RGL1: variants seen among roughly 807,000 people sequenced by gnomAD.
RGL1 encodes ral guanine nucleotide dissociation stimulator like 1, also known as ral guanine nucleotide dissociation stimulator-like 1.
In RGL1, 24 loss-of-function variants were observed where a neutral mutation model predicts 95.2. The ratio of observed to expected loss-of-function variants is 0.25; its 90% confidence interval spans 0.18 to 0.35. The LOEUF is 0.35. Among genes scored for constraint, RGL1 ranks in the 10% least tolerant of loss-of-function variants. The probability of loss-of-function intolerance (pLI) is 1.00; values close to 1 mark genes in which losing one functional copy is unlikely to be tolerated. For missense variants in RGL1, 715 were observed against 936.3 expected (o/e 0.76, Z 3.08); for synonymous variants, 329 against 344.9 (o/e 0.95, Z 0.51).
At chr1:183,856,623 A>AAT (rs569959841) in intron 3 of RGL1, among the ~76,000 whole-genome samples, 14 of 148,824 alleles carry the variant, frequency 9.4e-5, no homozygotes, top group Admixed American at 5.4e-4. Context: ...TCTCCCTGTA[A>AAT]ATATATATAT....
chr1:183,688,350 A>G (rs1653741612), intron 1 of RGL1, among the ~76,000 whole-genome samples: 1 of 152,180 alleles, frequency 6.6e-6, no homozygotes. Context: ...GAGATTAACA[A>G]CAGTAAAAAC....
At chr1:183,748,804 AT>A (rs1281461448) in intron 2 of RGL1, among the ~76,000 whole-genome samples, 17 of 152,150 alleles carry the variant, frequency 1.1e-4, no homozygotes, top group Non-Finnish European at 1.6e-4. Flanking sequence ...TGTCCCAGAG[AT>A]TCTGATACAT....
intron 14 of RGL1, among the ~76,000 whole-genome samples, chr1:183,911,763 G>C (rs772057755): frequency 6.6e-6 from 1 of 152,166 alleles, no homozygotes; most frequent in Non-Finnish European, 1.5e-5. Flanking sequence ...GGTAGGAAGT[G>C]ATGGGGGTAT....
chr1:183,791,106 C>T (rs562970960), intron 2 of RGL1, among the ~76,000 whole-genome samples: 5 of 152,300 alleles, frequency 3.3e-5, no homozygotes, highest in African/African-American at 1.2e-4. Context: ...CCAAACTAAA[C>T]ATTTTCATTC....
chr1:183,698,608 T>C (rs1317635072), intron 1 of RGL1, among the ~76,000 whole-genome samples: 1 of 152,220 alleles, frequency 6.6e-6, no homozygotes, highest in African/African-American at 2.4e-5. Flanking sequence ...TCTGATCTCA[T>C]TGCCAAAATT....
chr1:183,810,479 T>C (rs1473584749), intron 2 of RGL1, among the ~76,000 whole-genome samples: 1 of 152,178 alleles, frequency 6.6e-6, no homozygotes, highest in Admixed American at 6.5e-5. Flanking sequence ...AGGCTCTTGA[T>C]AAATGTTTGT....
At chr1:183,705,905 G>A (rs1226452852) in intron 1 of RGL1, among the ~76,000 whole-genome samples, 1 of 152,122 alleles carries the variant, frequency 6.6e-6, no homozygotes, top group Non-Finnish European at 1.5e-5. Flanking sequence ...AGCTGCTTGG[G>A]GGATGGGATA....
intron 1 of RGL1, among the ~76,000 whole-genome samples, chr1:183,669,981 C>T (rs547229706): frequency 1.3e-4 from 20 of 152,264 alleles, no homozygotes; most frequent in Middle Eastern, 3.4e-3. Flanking sequence ...CCTCTTATGA[C>T]GTAGGGATTA....
At chr1:183,709,871 T>C (rs535306929) in intron 1 of RGL1, 7 of 155,904 alleles carry the variant, frequency 4.5e-5, no homozygotes, top group Admixed American at 2.6e-4. Context: ...GGCACACACC[T>C]GAGCACCTGC....
At chr1:183,804,245 T>G (rs1661148842), upstream of RGL1, among the ~76,000 whole-genome samples, 2 of 152,104 alleles carry the variant, frequency 1.3e-5, no homozygotes, top group Non-Finnish European at 2.9e-5. Flanking sequence ...GGGTGAATAG[T>G]ATGAAAGACA....
chr1:183,788,062 C>G (rs868378666), intron 2 of RGL1, among the ~76,000 whole-genome samples: 14 of 152,204 alleles, frequency 9.2e-5, no homozygotes, highest in Admixed American at 3.3e-4. Context: ...GGAAAGAAGC[C>G]CACACTCACT....
intron 3 of RGL1, among the ~76,000 whole-genome samples, chr1:183,852,155 T>C (rs1664861830): frequency 6.6e-6 from 1 of 152,192 alleles, no homozygotes; most frequent in African/African-American, 2.4e-5. Flanking sequence ...GAAGCTTATT[T>C]GATGTCAAGC....
intron 1 of RGL1, among the ~76,000 whole-genome samples, chr1:183,706,549 C>T (rs1404913777): frequency 1.3e-5 from 2 of 152,160 alleles, no homozygotes; most frequent in Non-Finnish European, 2.9e-5. Flanking sequence ...CTTGTGGGGG[C>T]TGCTCACAGT....
rs567986215 is a variant in RGL1, at chr1:183,924,671, A to G, written c.2120-1434A>G. Among the ~76,000 whole-genome samples, 27 of 152,178 alleles carry G rather than the reference A, an allele frequency of 1.8e-4. No individual in the cohort carries two copies. The East Asian group carries it at 4.6e-3, about 26-fold the overall frequency. On this transcript the variant is annotated intron_variant, in intron 17 of 17. Transcript: ENST00000360851. ...AACAAAAATAAAAGTGAGGCTGGGC[A>G]TGGTGGCTCACGCCTGTAATCCCAG... is the stretch of plus-strand genomic sequence containing the variant.
intron 2 of RGL1, among the ~76,000 whole-genome samples, chr1:183,782,808 T>C (rs1659971873): frequency 1.3e-5 from 2 of 152,156 alleles, no homozygotes; most frequent in African/African-American, 4.8e-5. Context: ...CACAGTCTCC[T>C]TAACTCTCCT....
intron 3 of RGL1, among the ~76,000 whole-genome samples, chr1:183,863,929 A>G (rs1665671270): frequency 6.6e-6 from 1 of 152,196 alleles, no homozygotes; most frequent in Admixed American, 6.5e-5. Context: ...CTACCAGGTT[A>G]GTTAATGAGA....
chr1:183,865,918 T>A (rs949403844), intron 3 of RGL1, 78 bp from the exon 4 acceptor site: 5 of 921,244 alleles, frequency 5.4e-6, no homozygotes, highest in Admixed American at 5.4e-5. Flanking sequence ...AACTGTCACT[T>A]TGTAGTTGAA....
At chr1:183,737,538 C>T (rs995282001) in intron 1 of RGL1, among the ~76,000 whole-genome samples, 7 of 150,470 alleles carry the variant, frequency 4.7e-5, no homozygotes, top group Non-Finnish European at 1.0e-4. Flanking sequence ...TCACTTGAGC[C>T]CAGGTGAGAC....
At chr1:183,880,243 G>C (rs1184440629) in intron 4 of RGL1, among the ~76,000 whole-genome samples, 1 of 152,102 alleles carries the variant, frequency 6.6e-6, no homozygotes, top group Non-Finnish European at 1.5e-5. Context: ...AGATTTTGTG[G>C]GATTTAATTT....
Sources: allele counts gnomAD v4.1 joint callset (sites outside exome capture counted in the v4.1 genomes callset), GRCh38; gene constraint gnomAD v4.1.1; transcripts MANE v1.5; gene names NCBI Gene and HGNC (gene_info 2026-07-23, HGNC 2026-07-21).